BMPR1B: variants seen among roughly 807,000 people sequenced by gnomAD.
BMPR1B encodes bone morphogenetic protein receptor type-1B.
A neutral mutation model predicts 59.1 loss-of-function variants in BMPR1B; 12 were observed. The ratio of observed to expected loss-of-function variants is 0.20; its 90% CI spans 0.13 to 0.33. The LOEUF is 0.33. Among genes scored for constraint, BMPR1B ranks in the 10% least tolerant of loss-of-function variants. The probability of loss-of-function intolerance (pLI) is 1.00; values close to 1 mark genes in which losing one functional copy is unlikely to be tolerated. For synonymous variants in BMPR1B, 237 were observed against 207.3 expected, an observed-to-expected ratio of 1.14 and a Z score of -1.23; for missense variants, 550 against 610.9, an observed-to-expected ratio of 0.90 and a Z score of 1.05.
At chr4:94,912,802 A>C (rs1256732435) in intron 2 of BMPR1B, among the ~76,000 whole-genome samples, 1 of 152,076 alleles carries the variant, frequency 6.6e-6, no homozygotes, top group African/African-American at 2.4e-5. Context: ...TCTTCAGCTG[A>C]TTTGAGTGTT....
intron 11 of BMPR1B, 98 bp from the exon 12 acceptor site, chr4:95,152,545 T>C: frequency 8.9e-7 from 1 of 1,124,982 alleles, no homozygotes; most frequent in Non-Finnish European, 1.2e-6. Context: ...TTGTCTGTAA[T>C]ACTGATAGCA....
chr4:94,968,844 G>T (rs527340462), intron 2 of BMPR1B, among the ~76,000 whole-genome samples: 3 of 152,110 alleles, frequency 2.0e-5, no homozygotes, highest in African/African-American at 4.8e-5. Flanking sequence ...AAAAAGATAG[G>T]GATTTGCCTA....
At chr4:94,901,277 C>T (rs972623446) in intron 2 of BMPR1B, among the ~76,000 whole-genome samples, 1 of 151,954 alleles carries the variant, frequency 6.6e-6, no homozygotes, top group East Asian at 1.9e-4. Flanking sequence ...TATCAGAATG[C>T]CTCACCTGTA....
At chr4:94,898,817 T>C (rs1727688349) in intron 2 of BMPR1B, among the ~76,000 whole-genome samples, 1 of 152,084 alleles carries the variant, frequency 6.6e-6, no homozygotes, top group African/African-American at 2.4e-5. Context: ...TGTGGGTCCC[T>C]CTCTCTCAAA....
At chr4:94,972,159 T>C (rs997968798) in intron 2 of BMPR1B, among the ~76,000 whole-genome samples, 4 of 151,742 alleles carry the variant, frequency 2.6e-5, no homozygotes, top group Admixed American at 6.6e-5. Context: ...AAAGGAAAAC[T>C]ATAATCAATT....
chr4:95,115,959 G>C (rs1731998765), intron 6 of BMPR1B, among the ~76,000 whole-genome samples, 172 bp downstream of exon 6: 1 of 152,174 alleles, frequency 6.6e-6, no homozygotes, highest in Non-Finnish European at 1.5e-5. Flanking sequence ...AGTAGTTTGT[G>C]GGAAAACAGT....
intron 3 of BMPR1B, among the ~76,000 whole-genome samples, chr4:95,024,665 T>G (rs187229143): frequency 2.0e-5 from 3 of 151,864 alleles, no homozygotes; most frequent in Non-Finnish European, 1.5e-5. Flanking sequence ...ATCCCTGGAG[T>G]GTTGATATAT....
chr4:95,130,091 C>G, intron 9 of BMPR1B, 37 bp downstream of exon 9: 1 of 1,599,864 alleles, frequency 6.3e-7, no homozygotes, highest in South Asian at 1.1e-5. Context: ...TCAGGGTTTC[C>G]TAGCTTTCCT....
At chr4:94,927,351 G>A (rs572519503) in intron 2 of BMPR1B, among the ~76,000 whole-genome samples, 1 of 152,082 alleles carries the variant, frequency 6.6e-6, no homozygotes, top group East Asian at 1.9e-4. Context: ...TAAGGCAAAA[G>A]CAAAAATAAA....
intron 2 of BMPR1B, among the ~76,000 whole-genome samples, chr4:94,909,856 G>A (rs528278669): frequency 1.5e-3 from 234 of 152,058 alleles, no homozygotes; most frequent in Admixed American, 4.3e-3. Flanking sequence ...GGTGGCTGTG[G>A]TTACATGGGA....
intron 2 of BMPR1B, among the ~76,000 whole-genome samples, chr4:94,974,921 A>G (rs912570504): frequency 5.3e-5 from 8 of 152,204 alleles, no homozygotes; most frequent in African/African-American, 1.7e-4. Context: ...AGGGTTTGGA[A>G]CAAATATTTT....
chr4:94,964,245 C>A (rs1730472394), intron 2 of BMPR1B, among the ~76,000 whole-genome samples: 1 of 152,008 alleles, frequency 6.6e-6, no homozygotes, highest in Admixed American at 6.6e-5. Flanking sequence ...TCAGGTTTTT[C>A]TAAATATATC....
chr4:94,919,408 TAACA>T (rs1026688680), intron 2 of BMPR1B, among the ~76,000 whole-genome samples: 1 of 152,212 alleles, frequency 6.6e-6, no homozygotes, highest in Non-Finnish European at 1.5e-5. Flanking sequence ...TATATACACC[TAACA>T]AACAAAGGCT....
chr4:94,989,775 G>C (rs1193881860), intron 2 of BMPR1B, among the ~76,000 whole-genome samples: 2 of 151,870 alleles, frequency 1.3e-5, no homozygotes, highest in African/African-American at 4.8e-5. Flanking sequence ...CAAGTAAGTG[G>C]CTCTGTTTAT....
chr4:95,069,364 T>C (rs1728099795), intron 3 of BMPR1B, among the ~76,000 whole-genome samples: 1 of 152,218 alleles, frequency 6.6e-6, no homozygotes, highest in Non-Finnish European at 1.5e-5. Context: ...CCTCACCATG[T>C]ACTACTGTTA....
At chr4:94,760,183 C>A (rs1490758149) in intron 1 of BMPR1B, among the ~76,000 whole-genome samples, 6 of 152,134 alleles carry the variant, frequency 3.9e-5, no homozygotes, top group African/African-American at 1.4e-4. Flanking sequence ...AGTGAATCAT[C>A]ACTATTTATA....
chr4:95,141,954 C>T (rs1236259271), intron 10 of BMPR1B, among the ~76,000 whole-genome samples: 1 of 152,116 alleles, frequency 6.6e-6, no homozygotes, highest in African/African-American at 2.4e-5. Flanking sequence ...TTTAGCACTG[C>T]TTTTGGTTTG....
At chr4:94,880,050 T>C (rs879807859) in intron 2 of BMPR1B, among the ~76,000 whole-genome samples, 1 of 148,124 alleles carries the variant, frequency 6.8e-6, no homozygotes, top group Non-Finnish European at 1.5e-5. Flanking sequence ...AAAATGACAA[T>C]ACAAATTATT....
At chr4:95,040,295 G>C (rs1725562108) in intron 3 of BMPR1B, among the ~76,000 whole-genome samples, 1 of 152,150 alleles carries the variant, frequency 6.6e-6, no homozygotes. Context: ...TAAGGGTTTA[G>C]ATAAGAGTGA....
Sources: gnomAD v4.1 joint callset for allele counts (sites outside exome capture counted in the v4.1 genomes callset) on GRCh38, gnomAD v4.1.1 for gene constraint, MANE v1.5 for transcripts, NCBI Gene and HGNC (gene_info 2026-07-23, HGNC 2026-07-21) for gene names.